Variants in COMMD8 observed in about 807,000 individuals in gnomAD.
COMMD8 encodes COMM domain-containing protein 8.
Under a neutral mutation model 27.2 loss-of-function variants are expected in COMMD8, and 28 were observed. The ratio of observed to expected loss-of-function variants is 1.03; its 90% CI spans 0.76 to 1.41. The LOEUF (loss-of-function observed/expected upper bound fraction) is 1.41, where lower values mean the gene tolerates loss of function less well. Among genes scored for constraint, COMMD8 ranks in the 40% most tolerant of loss-of-function variants. The pLI is 0.00. For synonymous variants in COMMD8, 79 were observed against 75.5 expected (o/e 1.05, Z -0.24); for missense variants, 217 against 211.2 (o/e 1.03, Z -0.17).
chr4:47,457,982 C>T (rs957624013), intron 2 of COMMD8, among the ~76,000 whole-genome samples: 2 of 151,722 alleles, frequency 1.3e-5, no homozygotes, highest in African/African-American at 2.4e-5. Flanking sequence ...TTTGGCAGTG[C>T]AGCCTTAGTT....
intron 3 of COMMD8, among the ~76,000 whole-genome samples, chr4:47,453,912 T>C (rs1240799935): frequency 6.6e-6 from 1 of 152,186 alleles, no homozygotes; most frequent in African/African-American, 2.4e-5. Context: ...ATGCTGCCAC[T>C]TGCAAAAAAA....
In COMMD8 at chr4:47,453,056, T is replaced by C. The variant is rs768415852; in HGVS notation, c.531+3A>G. The C allele has an allele frequency of 1.3e-5, 20 of 1,591,316 alleles. No individual in the cohort carries two copies. The highest frequency in any genetic ancestry group is 8.5e-6 in the Non-Finnish European group (10 of 1,170,372). On this transcript the variant is annotated splice_donor_region_variant and intron_variant, in intron 4 of 4. Coordinates refer to ENST00000381571, the MANE Select transcript of COMMD8 (RefSeq NM_017845.5). ...AATCATATGACAAAATTATAGCAAA[T>C]ACCTTATTCGCTGCTTCCAAGGACT...
rs1272271190 is a variant in COMMD8 at position 47,453,039 on chromosome 4, G to C, written c.531+20C>G. 1 of 1,573,802 alleles carries C rather than the reference G, an allele frequency of 6.4e-7. No homozygotes were observed. Among genetic ancestry groups the C allele is most frequent in the East Asian group, 2.3e-5 (1 of 44,434 alleles). On this transcript the variant is annotated intron_variant, in intron 4 of 4. Transcript: ENST00000381571. ...AAAACCTTAAACATTCAAATCATAT[G>C]ACAAAATTATAGCAAATACCTTATT... is the stretch of plus-strand genomic sequence containing the variant.
In COMMD8 at chr4:47,456,520, A is replaced by G. The variant is rs28664264; in HGVS notation, c.375+57T>C. 5.7e-3 allele frequency: 7,145 copies of G among 1,255,536 alleles called. 353 individuals are homozygous for G. In the African/African-American group the frequency reaches 0.1, roughly 18 times the overall value. 77.8% of individuals were successfully genotyped at this position (1,255,536 alleles called of 1,614,324 possible). A position where few individuals can be genotyped will look rare whatever the true frequency, so the allele number is the denominator to read the frequency against. ...ATTTTATATATATGATATTATAAAG[A>G]TATTTCTCTATATCCAAAAAATGAA... On this transcript the variant is annotated intron_variant, in intron 3 of 4. Transcript: ENST00000381571.
intron 1 of COMMD8, among the ~76,000 whole-genome samples, chr4:47,462,386 G>A (rs1035927427): frequency 6.6e-6 from 1 of 152,058 alleles, no homozygotes; most frequent in African/African-American, 2.4e-5. Flanking sequence ...GAAAGTGGTG[G>A]TGCCACAAAC....
chr4:47,451,852 G>C (rs938720040), intron 4 of COMMD8, among the ~76,000 whole-genome samples, 187 bp from the exon 5 acceptor site: 4 of 152,076 alleles, frequency 2.6e-5, no homozygotes, highest in African/African-American at 4.8e-5. Context: ...CATTTATATC[G>C]GGCTCTATCA....
intron 4 of COMMD8, among the ~76,000 whole-genome samples, chr4:47,452,461 A>G (rs996036091): frequency 2.6e-5 from 4 of 152,176 alleles, no homozygotes; most frequent in African/African-American, 9.6e-5. Context: ...TAAAAATGTT[A>G]TTTTTATCAT....
chr4:47,454,726 G>A lies in COMMD8; in HGVS notation c.376-1512C>T, dbSNP rs552258599. On this transcript the variant is annotated intron_variant, in intron 3 of 4. Coordinates refer to ENST00000381571, the MANE Select transcript of COMMD8 (RefSeq NM_017845.5). ...ATTAAAAATACAAAATTAGCCAGGC[G>A]TGGTGGCACATGCCTGTAATCCCAG... Among the ~76,000 whole-genome samples the A allele has an allele frequency of 9.9e-5, 15 of 151,810 alleles. No homozygotes were observed. In the South Asian group the frequency reaches 2.1e-3, roughly 21 times the overall value.
rs775826162 is a variant in COMMD8, at chr4:47,463,695, G to T, written c.-44C>A. 5 of 1,516,696 alleles carry T rather than the reference G, an allele frequency of 3.3e-6. No individual in the cohort carries two copies. The highest frequency in any genetic ancestry group is 3.6e-6 in the Non-Finnish European group (4 of 1,126,746). The allele number at this position is 1,516,696 out of a possible 1,614,324, so 94.0% of individuals were successfully genotyped here. ...CTTGGGTCACGTGTCAAGGCTGGCC[G>T]CTTGTCTAAAGCTACGACTCGCCCA... On this transcript the variant is annotated 5_prime_UTR_variant, in exon 1 of 5. Coordinates refer to ENST00000381571, the MANE Select transcript of COMMD8 (RefSeq NM_017845.5).
chr4:47,452,689 G>A (rs1275267385), intron 4 of COMMD8, among the ~76,000 whole-genome samples: 2 of 152,168 alleles, frequency 1.3e-5, no homozygotes, highest in Non-Finnish European at 2.9e-5. Flanking sequence ...GAGTCTAGGA[G>A]TATCAATCAA....
At chr4:47,459,416 A>C (rs999273270) in intron 2 of COMMD8, among the ~76,000 whole-genome samples, 2 of 152,158 alleles carry the variant, frequency 1.3e-5, no homozygotes, top group Non-Finnish European at 2.9e-5. Flanking sequence ...ACTTCAAGAT[A>C]TCTACCCCAG....
chr4:47,455,927 T>G lies in COMMD8; in HGVS notation c.375+650A>C, dbSNP rs111470358. Among the ~76,000 whole-genome samples the G allele has an allele frequency of 2.0e-3, 310 of 152,248 alleles. 2 individuals are homozygous for G. Among genetic ancestry groups the G allele is most frequent in the African/African-American group, 7.2e-3 (299 of 41,538 alleles). On this transcript the variant is annotated intron_variant, in intron 3 of 4. Transcript: ENST00000381571. ...TCACATTTACCAGTCTTAAGAAAGCTATAAAGTCTAGAAAGTTGTGGTCAA... is the reference window on the plus strand; with the variant it reads ...TCACATTTACCAGTCTTAAGAAAGCGATAAAGTCTAGAAAGTTGTGGTCAA...
chr4:47,456,857 A>G (rs941161574), intron 2 of COMMD8, 128 bp from the exon 3 acceptor site: 4 of 666,566 alleles, frequency 6.0e-6, no homozygotes, highest in Non-Finnish European at 9.4e-6. Flanking sequence ...ACTATAAAAA[A>G]GAGTAAGATG....
At chr4:47,461,738 A>C (rs2109358540) in intron 1 of COMMD8, among the ~76,000 whole-genome samples, 1 of 151,976 alleles carries the variant, frequency 6.6e-6, no homozygotes, top group Non-Finnish European at 1.5e-5. Flanking sequence ...TAGGTACCAC[A>C]CTCTGGACTG....
At position 47,451,200 on chromosome 4, in the gene COMMD8, T is replaced by C. The variant is rs1729742833; in HGVS notation, c.*445A>G. ...TCTCCTGAGTTATATATGCAGCTTA[T>C]ACATTCTTTGAAAAAATTATTTTTT... On this transcript the variant is annotated 3_prime_UTR_variant, in exon 5 of 5. Coordinates refer to ENST00000381571, the MANE Select transcript of COMMD8 (RefSeq NM_017845.5). 1 of 159,808 alleles carries C rather than the reference T, an allele frequency of 6.3e-6. No homozygotes were observed. Among genetic ancestry groups the C allele is most frequent in the South Asian group, 1.7e-4 (1 of 5,754 alleles). The allele number at this position is 159,808 out of a possible 1,614,324, so 9.9% of individuals were successfully genotyped here.
intron 1 of COMMD8, among the ~76,000 whole-genome samples, chr4:47,462,836 C>T (rs1219222386): frequency 6.6e-6 from 1 of 151,998 alleles, no homozygotes; most frequent in Non-Finnish European, 1.5e-5. Context: ...TTTCTTGACC[C>T]TGGCAGGAGG....
At chr4:47,457,849 A>G (rs1389590821) in intron 2 of COMMD8, among the ~76,000 whole-genome samples, 1 of 151,680 alleles carries the variant, frequency 6.6e-6, no homozygotes, top group Non-Finnish European at 1.5e-5. Context: ...AAAAGAAAAA[A>G]AAAAAACACC....
chr4:47,457,575 T>C (rs1283142839), intron 2 of COMMD8, among the ~76,000 whole-genome samples: 1 of 152,164 alleles, frequency 6.6e-6, no homozygotes, highest in Non-Finnish European at 1.5e-5. Flanking sequence ...TAACGTACCA[T>C]ATTCTGAGCC....
chr4:47,457,210 AATATATC>A (rs1479188391), intron 2 of COMMD8, among the ~76,000 whole-genome samples: 1 of 152,252 alleles, frequency 6.6e-6, no homozygotes, highest in Non-Finnish European at 1.5e-5. Flanking sequence ...AACTTGTATT[AATATATC>A]AGACAATGTA....
Sources: gnomAD v4.1 joint callset for allele counts (sites outside exome capture counted in the v4.1 genomes callset) on GRCh38, gnomAD v4.1.1 for gene constraint, MANE v1.5 for transcripts, NCBI Gene and HGNC (gene_info 2026-07-23, HGNC 2026-07-21) for gene names.